Variants in GREM1 observed in about 807,000 individuals in gnomAD.
GREM1 encodes gremlin-1.
GREM1 carries 6 observed loss-of-function variants against 13.1 expected under a neutral mutation model. That is an observed-to-expected ratio of 0.46 (90% CI 0.25 to 0.91). The LOEUF is 0.91. GREM1 is among the 40% of genes least tolerant of loss of function. The probability of loss-of-function intolerance (pLI) is 0.18; values close to 1 mark genes in which losing one functional copy is unlikely to be tolerated. For synonymous variants in GREM1, 98 were observed against 93.7 expected (o/e 1.05, Z -0.27); for missense variants, 185 against 233.9 (o/e 0.79, Z 1.36).
In GREM1 at chr15:32,738,948, CA is replaced by C. The variant is rs2055738154; in HGVS notation, c.*7708del. Reference sequence around the variant, plus strand: ...TACATGACAGAGTAAGTCTCTGTCTCAAAAACAAAACAAACAACAAAAATAC... The same window carrying C: ...TACATGACAGAGTAAGTCTCTGTCTCAAAACAAAACAAACAACAAAAATAC... On this transcript the variant is annotated 3_prime_UTR_variant, in exon 2 of 2. Transcript: ENST00000651154. The C allele has an allele frequency of 6.6e-6, 1 of 152,102 alleles. No homozygotes were observed. The highest frequency in any genetic ancestry group is 2.1e-4 in the South Asian group (1 of 4,830). The allele number at this position is 152,102 out of a possible 1,614,324, so 9.4% of individuals were successfully genotyped here.
chr15:32,738,083 CAAAAAA>C lies in GREM1; in HGVS notation c.*6883_*6888del, dbSNP rs67118209. ...GGAGGTTCTACCTAGGGTAATTAGG[CAAAAAA>C]AAAAAAAAAAAAAAAAAAAAAAAAA... On this transcript the variant is annotated 3_prime_UTR_variant, in exon 2 of 2. Transcript: ENST00000651154. The C allele has an allele frequency of 5.1e-3, 97 of 18,930 alleles. No individual in the cohort carries two copies. Among genetic ancestry groups the C allele is most frequent in the African/African-American group, 0.021 (90 of 4,380 alleles). The allele number at this position is 18,930 out of a possible 1,614,324, so 1.2% of individuals were successfully genotyped here.
In GREM1 at chr15:32,721,182, A is replaced by C. The variant is rs143915159; in HGVS notation, c.-2+3021A>C. Among the ~76,000 whole-genome samples the C allele has an allele frequency of 2.0e-3, 302 of 152,164 alleles. 1 individual carries two copies. Among genetic ancestry groups the C allele is most frequent in the African/African-American group, 6.0e-3 (249 of 41,492 alleles). Reference sequence around the variant, plus strand: ...AAAAAACAAAACAAAACAAACAAACAAAAAAATGCTGGCTTTCCCACTTAT... The same window carrying C: ...AAAAAACAAAACAAAACAAACAAACCAAAAAATGCTGGCTTTCCCACTTAT... On this transcript the variant is annotated intron_variant, in intron 1 of 1. Transcript: ENST00000651154.
rs1049669356 is a variant in GREM1 at position 32,734,320 on chromosome 15, A to G, written c.*3075A>G. ...AGATAATGATGACTAGTTCACACAT[A>G]AAGTCCTTTTAAGGAGAAAATCTAA... On this transcript the variant is annotated 3_prime_UTR_variant, in exon 2 of 2. Coordinates refer to ENST00000651154, the MANE Select transcript of GREM1 (RefSeq NM_013372.7). 2 of 246,078 alleles carry G rather than the reference A, an allele frequency of 8.1e-6. No individual in the cohort carries two copies. Among genetic ancestry groups the G allele is most frequent in the Admixed American group, 5.6e-5 (1 of 17,740 alleles). 15.2% of individuals were successfully genotyped at this position (246,078 alleles called of 1,614,324 possible).
chr15:32,729,300 T>C (rs944304268), intron 1 of GREM1, among the ~76,000 whole-genome samples: 2 of 152,204 alleles, frequency 1.3e-5, no homozygotes, highest in African/African-American at 4.8e-5. Flanking sequence ...GTGCTGGGAT[T>C]ACAGGCGTGA....
At chr15:32,729,006 C>T (rs76997904) in intron 1 of GREM1, among the ~76,000 whole-genome samples, 1 of 147,244 alleles carries the variant, frequency 6.8e-6, no homozygotes, top group East Asian at 2.0e-4. Context: ...TCTGCACTTT[C>T]TTTTTTTTTT....
At position 32,734,343 on chromosome 15, in the gene GREM1, T is replaced by A; in HGVS notation, c.*3098T>A. 1 of 246,392 alleles carries A rather than the reference T, an allele frequency of 4.1e-6. No individual in the cohort carries two copies. The highest frequency in any genetic ancestry group is 8.5e-6 in the Non-Finnish European group (1 of 117,052). 15.3% of individuals were successfully genotyped at this position (246,392 alleles called of 1,614,324 possible). On this transcript the variant is annotated 3_prime_UTR_variant, in exon 2 of 2. Coordinates refer to ENST00000651154, the MANE Select transcript of GREM1 (RefSeq NM_013372.7). ...ATAAAGTCCTTTTAAGGAGAAAATC[T>A]AAAATGAAAAGTGGATAAACAGAAC...
At chr15:32,721,169 AAAAC>A (rs201313662) in intron 1 of GREM1, among the ~76,000 whole-genome samples, 2,322 of 151,768 alleles carry the variant, frequency 0.015, 26 homozygotes, top group African/African-American at 0.036. Context: ...AAAACAAAAC[AAAAC>A]AAACAAACAA....
chr15:32,729,267 G>A (rs914349024), intron 1 of GREM1, among the ~76,000 whole-genome samples: 2 of 151,936 alleles, frequency 1.3e-5, no homozygotes, highest in African/African-American at 4.8e-5. Flanking sequence ...CTCGTGATCC[G>A]CCGCCCATCT....
Position 32,734,804 on chromosome 15 carries a change from A to G in GREM1, c.*3559A>G. The stretch of plus-strand genomic sequence containing the variant: ...TTGGTGGAATTTATTCCTTTTGCCT[A>G]GGCCTTTCAGACCCTGCTTGATTTC... On this transcript the variant is annotated 3_prime_UTR_variant, in exon 2 of 2. Coordinates refer to ENST00000651154, the MANE Select transcript of GREM1 (RefSeq NM_013372.7). 5.4e-6 allele frequency: 1 copy of G among 185,584 alleles called. No homozygotes were observed. The highest frequency in any genetic ancestry group is 8.8e-5 in the East Asian group (1 of 11,400). The allele number at this position is 185,584 out of a possible 1,614,324, so 11.5% of individuals were successfully genotyped here.
Position 32,731,386 on chromosome 15 carries a change from G to A in GREM1, c.*141G>A, listed in dbSNP as rs371474885. On this transcript the variant is annotated 3_prime_UTR_variant, in exon 2 of 2. Coordinates refer to ENST00000651154, the MANE Select transcript of GREM1 (RefSeq NM_013372.7). ...CCTCCTGGCAGGAGCCTGCTTGTGC[G>A]TAGTTCGTGTGCATGAGTGTGGATG... 5 of 658,492 alleles carry A rather than the reference G, an allele frequency of 7.6e-6. No individual in the cohort carries two copies. Among genetic ancestry groups the A allele is most frequent in the Non-Finnish European group, 8.0e-6 (3 of 374,732 alleles). The allele number at this position is 658,492 out of a possible 1,614,324, so 40.8% of individuals were successfully genotyped here.
chr15:32,718,055 ACT>A lies in GREM1; in HGVS notation c.-104_-103del. Reference sequence around the variant, plus strand: ...CGACCCAGTGCACGGCCGCCGCGTCACTCTCGGTCCCGCTGACCCCGCGCCGA... The same window carrying A: ...CGACCCAGTGCACGGCCGCCGCGTCACTCGGTCCCGCTGACCCCGCGCCGA... On this transcript the variant is annotated 5_prime_UTR_variant, in exon 1 of 2. Coordinates refer to ENST00000651154, the MANE Select transcript of GREM1 (RefSeq NM_013372.7). The A allele has an allele frequency of 3.4e-6, 4 of 1,168,602 alleles. No homozygotes were observed. The highest frequency in any genetic ancestry group is 3.2e-6 in the Non-Finnish European group (3 of 940,382). 72.4% of individuals were successfully genotyped at this position (1,168,602 alleles called of 1,614,324 possible).
At position 32,740,797 on chromosome 15, in the gene GREM1, G is replaced by GA. The variant is rs764744818; in HGVS notation, c.*9553dup. 6.6e-6 allele frequency: 1 copy of GA among 152,128 alleles called. No individual in the cohort carries two copies. The highest frequency in any genetic ancestry group is 1.5e-5 in the Non-Finnish European group (1 of 68,030). The allele number at this position is 152,128 out of a possible 1,614,324, so 9.4% of individuals were successfully genotyped here. A position where few individuals can be genotyped will look rare whatever the true frequency, so the allele number is the denominator to read the frequency against. On this transcript the variant is annotated 3_prime_UTR_variant, in exon 2 of 2. Coordinates refer to ENST00000651154, the MANE Select transcript of GREM1 (RefSeq NM_013372.7). Reference sequence around the variant, plus strand: ...AGGCATATTATAAGTTGTCATCCTAGAGAAAGAAAAATATCTTTCTCCCAG... The same window carrying GA: ...AGGCATATTATAAGTTGTCATCCTAGAAGAAAGAAAAATATCTTTCTCCCAG...
In GREM1 at chr15:32,740,730, C is replaced by T. The variant is rs2055753917; in HGVS notation, c.*9485C>T. On this transcript the variant is annotated 3_prime_UTR_variant, in exon 2 of 2. Coordinates refer to ENST00000651154, the MANE Select transcript of GREM1 (RefSeq NM_013372.7). ...GAGGAAGAAAATGAACATTCTGATC[C>T]AAGAAGCCCAAAGGTCATAAAAAAG... The T allele has an allele frequency of 6.6e-6, 1 of 152,070 alleles. No homozygotes were observed. Among genetic ancestry groups the T allele is most frequent in the Non-Finnish European group, 1.5e-5 (1 of 68,014 alleles). 9.4% of individuals were successfully genotyped at this position (152,070 alleles called of 1,614,324 possible).
chr15:32,722,867 TGAA>T (rs1045389317), intron 1 of GREM1, among the ~76,000 whole-genome samples: 1 of 152,198 alleles, frequency 6.6e-6, no homozygotes, highest in African/African-American at 2.4e-5. Flanking sequence ...TCACATTTCT[TGAA>T]GAAGCTGAAC....
chr15:32,721,164 AAAACAAAACAAAC>A (rs1478326611), intron 1 of GREM1, among the ~76,000 whole-genome samples: 1 of 147,530 alleles, frequency 6.8e-6, no homozygotes, highest in African/African-American at 2.4e-5. Flanking sequence ...TCAAAAAAAC[AAAACAAAACAAAC>A]AAACAAAAAA....
Position 32,735,568 on chromosome 15 carries a change from C to T in GREM1, c.*4323C>T, listed in dbSNP as rs560743413. ...TAAGGCCACCCTGAGATTATAGCTG[C>T]ATCATCAGGAACCCAAGATCTGAAG... On this transcript the variant is annotated 3_prime_UTR_variant, in exon 2 of 2. Transcript: ENST00000651154. 6.6e-6 allele frequency: 1 copy of T among 152,304 alleles called. No individual in the cohort carries two copies. Among genetic ancestry groups the T allele is most frequent in the Non-Finnish European group, 1.5e-5 (1 of 68,026 alleles). The allele number at this position is 152,304 out of a possible 1,614,324, so 9.4% of individuals were successfully genotyped here.
intron 1 of GREM1, among the ~76,000 whole-genome samples, chr15:32,720,954 C>T (rs914718410): frequency 6.6e-6 from 1 of 152,038 alleles, no homozygotes; most frequent in East Asian, 1.9e-4. Flanking sequence ...GTCGGGAGTT[C>T]GACACCAGCC....
chr15:32,742,090 A>T lies in GREM1; in HGVS notation c.*10845A>T, dbSNP rs1288243245. On this transcript the variant is annotated 3_prime_UTR_variant, in exon 2 of 2. Transcript: ENST00000651154. ...TTGGTTTGCCAGTATTTTGTTGAGGATTTTTGCATCTATATATTCATCAAG... is the reference window on the plus strand; with the variant it reads ...TTGGTTTGCCAGTATTTTGTTGAGGTTTTTTGCATCTATATATTCATCAAG... The T allele has an allele frequency of 2.6e-5, 4 of 151,916 alleles. No individual in the cohort carries two copies. Among genetic ancestry groups the T allele is most frequent in the African/African-American group, 9.7e-5 (4 of 41,366 alleles). The allele number at this position is 151,916 out of a possible 1,614,324, so 9.4% of individuals were successfully genotyped here.
chr15:32,719,681 C>T (rs1189874588), intron 1 of GREM1, among the ~76,000 whole-genome samples: 1 of 152,154 alleles, frequency 6.6e-6, no homozygotes, highest in Non-Finnish European at 1.5e-5. Flanking sequence ...CTGATTAAAA[C>T]AATCTATTGT....
Sources: gnomAD v4.1 joint callset for allele counts (sites outside exome capture counted in the v4.1 genomes callset) on GRCh38, gnomAD v4.1.1 for gene constraint, MANE v1.5 for transcripts, NCBI Gene and HGNC (gene_info 2026-07-23, HGNC 2026-07-21) for gene names.